ST18: variants seen among roughly 807,000 people sequenced by gnomAD.
ST18 encodes suppression of tumorigenicity 18 protein.
In ST18, 50 loss-of-function variants were observed where a neutral mutation model predicts 110.0. The ratio of observed to expected loss-of-function variants is 0.45; its 90% CI spans 0.36 to 0.58. The LOEUF is 0.58. Among genes scored for constraint, ST18 ranks in the 20% least tolerant of loss-of-function variants. The pLI, the probability that ST18 is intolerant of heterozygous loss-of-function variation, is 0.00. For missense variants in ST18, 1,306 were observed against 1,280.1 expected (o/e 1.02, Z -0.31); for synonymous variants, 461 against 452.4 (o/e 1.02, Z -0.24).
chr8:52,157,334 A>G (rs1263128021), intron 15 of ST18, among the ~76,000 whole-genome samples: 4 of 152,148 alleles, frequency 2.6e-5, no homozygotes, highest in African/African-American at 9.7e-5. Context: ...GACAGCATTC[A>G]TTCTAGAACC....
At chr8:52,382,313 C>A (rs533676576) in intron 2 of ST18, among the ~76,000 whole-genome samples, 165 of 152,290 alleles carry the variant, frequency 1.1e-3, no homozygotes, top group African/African-American at 3.7e-3. Flanking sequence ...CAGCCTCCTG[C>A]CTCATTCTCA....
intron 2 of ST18, among the ~76,000 whole-genome samples, chr8:52,348,962 G>A (rs1819024468): frequency 6.6e-6 from 1 of 152,046 alleles, no homozygotes; most frequent in Non-Finnish European, 1.5e-5. Flanking sequence ...ATTTCTTCTA[G>A]CTGAAGTTTT....
intron 2 of ST18, among the ~76,000 whole-genome samples, chr8:52,370,373 C>T (rs1337994649): frequency 6.6e-6 from 1 of 151,058 alleles, no homozygotes; most frequent in Non-Finnish European, 1.5e-5. Flanking sequence ...TGTGTGTGTG[C>T]ATGCATGCAT....
At chr8:52,146,249 G>T (rs961640831) in intron 16 of ST18, among the ~76,000 whole-genome samples, 1 of 152,158 alleles carries the variant, frequency 6.6e-6, no homozygotes, top group Non-Finnish European at 1.5e-5. Context: ...TCCTGGAACT[G>T]TTTTTTGTGG....
At chr8:52,159,271 C>T (rs55893028) in intron 14 of ST18, among the ~76,000 whole-genome samples, 162 bp from the exon 15 acceptor site, 2,588 of 152,088 alleles carry the variant, frequency 0.017, 58 homozygotes, top group African/African-American at 0.051. Context: ...TTATCCAGAC[C>T]GGTTTTCACA....
At chr8:52,366,595 C>G (rs1828036081) in intron 2 of ST18, among the ~76,000 whole-genome samples, 2 of 152,156 alleles carry the variant, frequency 1.3e-5, no homozygotes, top group South Asian at 4.1e-4. Context: ...GTTCACAGGA[C>G]GGGACCCATC....
chr8:52,258,796 T>C (rs1260450143), intron 2 of ST18, among the ~76,000 whole-genome samples: 1 of 152,214 alleles, frequency 6.6e-6, no homozygotes, highest in East Asian at 1.9e-4. Context: ...ACCATTGTTT[T>C]GTTCCTGATT....
chr8:52,406,521 A>C (rs939571337), intron 2 of ST18: 3 of 152,238 alleles, frequency 2.0e-5, no homozygotes, highest in African/African-American at 7.2e-5. Flanking sequence ...TTGGGGCCCT[A>C]GGAACTGTGA....
At chr8:52,217,596 A>G (rs1219654828) in intron 6 of ST18, 150 bp downstream of exon 6, 1 of 152,204 alleles carries the variant, frequency 6.6e-6, no homozygotes, top group South Asian at 2.1e-4. Flanking sequence ...AAAGAAGGCC[A>G]AAAAAGCAAA....
In ST18 at chr8:52,251,951, A is replaced by G. The variant is rs551584993; in HGVS notation, c.-464-21874T>C. Among the ~76,000 whole-genome samples the G allele has an allele frequency of 3.0e-4, 46 of 152,184 alleles. 2 individuals are homozygous for G. The highest frequency in any genetic ancestry group is 6.8e-3 in the Middle Eastern group (2 of 294). On this transcript the variant is annotated intron_variant, in intron 2 of 25. Coordinates refer to ENST00000689386, the MANE Select transcript of ST18 (RefSeq NM_001352837.2). ...AACAATTATGATCTTTTGGATTTCT[A>G]TAGCAGACATGGCAGGTCACATAAG...
At position 52,252,079 on chromosome 8, in the gene ST18, G is replaced by T. The variant is rs534019817; in HGVS notation, c.-464-22002C>A. 3.3e-5 allele frequency among the ~76,000 whole-genome samples: 5 copies of T among 152,104 alleles called. No individual in the cohort carries two copies. In the East Asian group the frequency reaches 9.7e-4, roughly 29 times the overall value. Reference sequence around the variant, plus strand: ...CCATAGAAACTATTTGCAATGAACTGTTGTCAACCTAAAGAGTTATATATT... The same window carrying T: ...CCATAGAAACTATTTGCAATGAACTTTTGTCAACCTAAAGAGTTATATATT... On this transcript the variant is annotated intron_variant, in intron 2 of 25. Coordinates refer to ENST00000689386, the MANE Select transcript of ST18 (RefSeq NM_001352837.2).
chr8:52,246,012 G>T (rs901844020), intron 2 of ST18, among the ~76,000 whole-genome samples: 3 of 151,980 alleles, frequency 2.0e-5, no homozygotes, highest in African/African-American at 7.2e-5. Flanking sequence ...CAAATGTTCT[G>T]AAAAGTTAAA....
chr8:52,228,627 G>A (rs1015978632), intron 3 of ST18, among the ~76,000 whole-genome samples: 5 of 152,118 alleles, frequency 3.3e-5, no homozygotes, highest in Admixed American at 6.6e-5. Flanking sequence ...AGGCACTCTT[G>A]TGAGAATTTG....
intron 22 of ST18, among the ~76,000 whole-genome samples, chr8:52,127,792 A>G (rs1406888599): frequency 6.7e-6 from 1 of 149,786 alleles, no homozygotes. Context: ...ATCTTCCAGG[A>G]TGTAAAATGA....
chr8:52,230,610 C>T (rs2091010605), intron 2 of ST18, among the ~76,000 whole-genome samples: 1 of 152,298 alleles, frequency 6.6e-6, no homozygotes, highest in Non-Finnish European at 1.5e-5. Context: ...ACAGGAGTGA[C>T]AGTCCCATTT....
chr8:52,183,974 C>G (rs2070958225), intron 8 of ST18, among the ~76,000 whole-genome samples: 2 of 152,142 alleles, frequency 1.3e-5, no homozygotes, highest in Non-Finnish European at 2.9e-5. Flanking sequence ...AAATATTACT[C>G]TTTGTGTGTG....
At position 52,307,170 on chromosome 8, in the gene ST18, G is replaced by T. The variant is rs1273654071; in HGVS notation, c.-464-77093C>A. 3.9e-5 allele frequency among the ~76,000 whole-genome samples: 6 copies of T among 152,020 alleles called. No homozygotes were observed. In the South Asian group the frequency reaches 1.2e-3, roughly 32 times the overall value. On this transcript the variant is annotated intron_variant, in intron 2 of 25. Coordinates refer to ENST00000689386, the MANE Select transcript of ST18 (RefSeq NM_001352837.2). ...CCTGCCTCTAGAAAAAAAAAATCAA[G>T]ATGTGAACTTGACTTAAGAAGAAAA... is the stretch of plus-strand genomic sequence containing the variant.
chr8:52,304,097 C>G (rs2095774562), intron 2 of ST18, among the ~76,000 whole-genome samples: 1 of 152,140 alleles, frequency 6.6e-6, no homozygotes, highest in South Asian at 2.1e-4. Flanking sequence ...AAAACTACTT[C>G]TCAATAACAA....
intron 11 of ST18, among the ~76,000 whole-genome samples, chr8:52,166,070 G>C (rs1022881763): frequency 1.3e-5 from 2 of 152,186 alleles, no homozygotes. Context: ...ATTGCGAGAG[G>C]AGGCCAGGAG....
Sources: allele counts gnomAD v4.1 joint callset (sites outside exome capture counted in the v4.1 genomes callset), GRCh38; gene constraint gnomAD v4.1.1; transcripts MANE v1.5; gene names NCBI Gene and HGNC (gene_info 2026-07-23, HGNC 2026-07-21).